Variants in SYNE1 observed in about 807,000 individuals in gnomAD.
SYNE1 encodes the protein nesprin-1.
Under a neutral mutation model 1,111.0 loss-of-function variants are expected in SYNE1, and 616 were observed. The observed-to-expected ratio is 0.55, with a 90% CI of 0.52 to 0.59. The LOEUF is 0.59. Ranked by LOEUF, SYNE1 falls within the 20% of genes least tolerant of loss-of-function variation. The probability of loss-of-function intolerance (pLI) is 0.00; values close to 1 mark genes in which losing one functional copy is unlikely to be tolerated. For synonymous variants in SYNE1, 3,855 were observed against 3,825.8 expected (o/e 1.01, Z -0.28); for missense variants, 10,006 against 10,417.0 (o/e 0.96, Z 1.72).
chr6:152,253,107 A>C (rs1322380761), intron 104 of SYNE1, among the ~76,000 whole-genome samples: 1 of 152,160 alleles, frequency 6.6e-6, no homozygotes, highest in African/African-American at 2.4e-5. Flanking sequence ...GACAAGACTG[A>C]GTTGCTGGTG....
chr6:152,454,896 C>T (rs1481319646), intron 24 of SYNE1, among the ~76,000 whole-genome samples: 1 of 152,016 alleles, frequency 6.6e-6, no homozygotes, highest in Non-Finnish European at 1.5e-5. Flanking sequence ...TTCCATATAC[C>T]ATTCATGAAC....
intron 117 of SYNE1, 145 bp downstream of exon 117, chr6:152,224,349 A>G: frequency 2.4e-6 from 2 of 826,774 alleles, no homozygotes; most frequent in South Asian, 1.8e-5. Context: ...ACAATAACAC[A>G]GGTAAAATTA....
At chr6:152,457,636 G>A (rs2098704201) in intron 22 of SYNE1, among the ~76,000 whole-genome samples, 1 of 152,100 alleles carries the variant, frequency 6.6e-6, no homozygotes, top group African/African-American at 2.4e-5. Context: ...ATTTCAAGAA[G>A]CAAAGTAAAG....
At chr6:152,351,405 T>C (rs4632900) in intron 70 of SYNE1, among the ~76,000 whole-genome samples, 25,591 of 152,144 alleles carry the variant, frequency 0.17, 2,449 homozygotes, top group African/African-American at 0.22. Context: ...TTAAAAGGTA[T>C]CACTCAATCA....
chr6:152,236,713 GAAAAGT>G, intron 109 of SYNE1, 98 bp downstream of exon 109: 3 of 1,383,024 alleles, frequency 2.2e-6, no homozygotes, highest in East Asian at 2.3e-5. Context: ...TAACTTGAAA[GAAAAGT>G]AAAAGTACTA....
At chr6:152,553,812 GT>G (rs1410844852) in intron 3 of SYNE1, among the ~76,000 whole-genome samples, 1 of 152,216 alleles carries the variant, frequency 6.6e-6, no homozygotes, top group Non-Finnish European at 1.5e-5. Context: ...TCAGCAGGAG[GT>G]TTTTTAGCAT....
chr6:152,592,798 C>G (rs991715867), intron 3 of SYNE1, among the ~76,000 whole-genome samples: 2 of 152,182 alleles, frequency 1.3e-5, no homozygotes, highest in African/African-American at 4.8e-5. Flanking sequence ...TTATTAGTGC[C>G]TCTCTTCCGG....
intron 98 of SYNE1, among the ~76,000 whole-genome samples, chr6:152,270,745 A>G (rs2093133914): frequency 6.6e-6 from 1 of 152,208 alleles, no homozygotes. Context: ...AAACAAACAG[A>G]TAACTGAGCT....
chr6:152,176,658 T>C (rs2066519294), intron 129 of SYNE1, 98 bp from the exon 130 acceptor site: 6 of 1,231,960 alleles, frequency 4.9e-6, no homozygotes, highest in Non-Finnish European at 5.9e-6. Flanking sequence ...TTTCTACTGC[T>C]TGGAAGTAGT....
At chr6:152,425,611 A>C in intron 38 of SYNE1, 64 bp from the exon 39 acceptor site, 1 of 1,592,638 alleles carries the variant, frequency 6.3e-7, no homozygotes, top group Non-Finnish European at 8.6e-7. Context: ...ACCATGCGGC[A>C]CAGGCGGCTG....
intron 3 of SYNE1, among the ~76,000 whole-genome samples, chr6:152,570,318 G>A (rs2099444141): frequency 6.6e-6 from 1 of 152,042 alleles, no homozygotes; most frequent in Non-Finnish European, 1.5e-5. Flanking sequence ...AAAATCTTTT[G>A]AATCTCTGCC....
At chr6:152,283,892 A>G in intron 96 of SYNE1, 86 bp downstream of exon 96, 1 of 1,134,330 alleles carries the variant, frequency 8.8e-7, no homozygotes, top group Non-Finnish European at 1.3e-6. Context: ...ATGAAAATGT[A>G]AATACGTAAG....
intron 127 of SYNE1, 108 bp from the exon 128 acceptor site, chr6:152,189,515 T>A: frequency 9.6e-7 from 1 of 1,043,194 alleles, no homozygotes; most frequent in Non-Finnish European, 1.4e-6. Context: ...GCCCTCAATT[T>A]AAATATCTAA....
At chr6:152,214,681 C>T (rs571676335) in intron 122 of SYNE1, among the ~76,000 whole-genome samples, 2 of 152,338 alleles carry the variant, frequency 1.3e-5, no homozygotes, top group African/African-American at 4.8e-5. Context: ...CAACTCTCCC[C>T]TCCTGAGGAT....
rs185482424 is a variant in SYNE1 at position 152,236,370 on chromosome 6, T to C, written c.20200-67A>G. 1.7e-5 allele frequency: 19 copies of C among 1,150,882 alleles called. No individual in the cohort carries two copies. The Middle Eastern group carries it at 1.0e-3, about 63-fold the overall frequency. The allele number at this position is 1,150,882 out of a possible 1,614,324, so 71.3% of individuals were successfully genotyped here. The stretch of plus-strand genomic sequence containing the variant: ...ATTTTTGTCTTTAAGAATTATAATT[T>C]CTCTGGTACCTACAATGTTCCCATT... On this transcript the variant is annotated intron_variant, in intron 109 of 145. Coordinates refer to ENST00000367255, the MANE Select transcript of SYNE1 (RefSeq NM_182961.4).
chr6:152,185,135 T>C (rs2069454623), intron 128 of SYNE1: 1 of 152,164 alleles, frequency 6.6e-6, no homozygotes, highest in Admixed American at 6.5e-5. Flanking sequence ...CAGCTAGAAT[T>C]ACACACAAAT....
At chr6:152,535,105 G>C (rs1188207682) in intron 4 of SYNE1, among the ~76,000 whole-genome samples, 1 of 152,182 alleles carries the variant, frequency 6.6e-6, no homozygotes, top group Non-Finnish European at 1.5e-5. Context: ...TCATTAGCAT[G>C]GGTCCTAATC....
chr6:152,279,619 A>C (rs972963403), intron 97 of SYNE1, among the ~76,000 whole-genome samples: 53 of 148,746 alleles, frequency 3.6e-4, no homozygotes, highest in Admixed American at 3.3e-3. Context: ...TGCGGGGCTG[A>C]GGTGGGAGAA....
intron 44 of SYNE1, among the ~76,000 whole-genome samples, chr6:152,408,023 A>C (rs2097929634): frequency 6.6e-6 from 1 of 152,036 alleles, no homozygotes; most frequent in Non-Finnish European, 1.5e-5. Context: ...TCGGTCTCCC[A>C]AAGTGCTGCG....
Sources: gnomAD v4.1 joint callset for allele counts (sites outside exome capture counted in the v4.1 genomes callset) on GRCh38, gnomAD v4.1.1 for gene constraint, MANE v1.5 for transcripts, NCBI Gene and HGNC (gene_info 2026-07-23, HGNC 2026-07-21) for gene names.